Variants in SALL2 observed in about 807,000 individuals in gnomAD.
SALL2 encodes the protein sal-like protein 2.
SALL2 carries 32 observed loss-of-function variants against 58.5 expected under a neutral mutation model. The ratio of observed to expected loss-of-function variants is 0.55; its 90% CI spans 0.41 to 0.74. The LOEUF is 0.74. SALL2 is among the 30% of genes least tolerant of loss of function. The pLI is 0.00. For missense variants in SALL2, 1,201 were observed against 1,268.9 expected (o/e 0.95, Z 0.81); for synonymous variants, 516 against 513.6 (o/e 1.00, Z -0.06).
chr14:21,536,158 A>T (rs758639412), intron 1 of SALL2, among the ~76,000 whole-genome samples: 2 of 152,376 alleles, frequency 1.3e-5, no homozygotes, highest in Middle Eastern at 3.4e-3. Flanking sequence ...AAAACACGGT[A>T]TCCTCATAAA....
chr14:21,536,963 T>C, exon 1 of SALL2: 1 of 1,587,750 alleles, frequency 6.3e-7, no homozygotes, highest in South Asian at 1.1e-5. Context: ...AACGCTCACT[T>C]GGTCTTAACC....
rs975311252 is a variant in SALL2 at position 21,523,395 on chromosome 14, G to C, written c.2327C>G (p.Thr776Ser). ...EEDEEEEEDVTDEDSLAGRGS... is the reference protein window; with the variant it reads ...EEDEEEEEDVSDEDSLAGRGS... ...TCTCCCTGCCAGGGAATCTTCATCA[G>C]TCACATCTTCCTCTTCTTCCTCATC... is the stretch of plus-strand genomic sequence containing the variant. Residue 776 changes from threonine to serine, a missense_variant, in exon 2 of 2, where the codon ACT becomes AGT. Physicochemically the swap from Thr to Ser is moderately conservative, Grantham distance 58 (BLOSUM62 1). Around this residue, in one of 3 missense-constraint regions of SALL2, gnomAD observed 675 missense variants for 683.8 expected, o/e 0.99. Transcript: ENST00000537235. This position sits in a 1 kb window ranked among gnomAD's most constrained non-coding sequence, Gnocchi z 4.4. The C allele has an allele frequency of 3.1e-6, 5 of 1,613,562 alleles. No individual in the cohort carries two copies. In the African/African-American group the frequency reaches 5.3e-5, roughly 17 times the overall value.
rs767373452 is a variant in SALL2, at chr14:21,525,566, G to A, written c.156C>T (p.Asn52=). The A allele has an allele frequency of 4.3e-6, 7 of 1,613,638 alleles. No homozygotes were observed. In the Admixed American group the frequency reaches 6.7e-5, roughly 15 times the overall value. ...TDPTEFLAHQ[N]ACSTDPPVMV... is the part of the protein sequence containing the mutation. Reference sequence around the variant, plus strand: ...TTACAGGAGGGTCAGTAGAACATGCGTTCTGGTGGGCGAGGAATTCAGTTG... The same window carrying A: ...TTACAGGAGGGTCAGTAGAACATGCATTCTGGTGGGCGAGGAATTCAGTTG... The change falls in exon 2 of 2, where the codon AAC becomes AAT. Residue 52 remains asparagine (N), a synonymous_variant. Coordinates refer to ENST00000537235, the MANE Select transcript of SALL2 (RefSeq NM_001364564.1). The surrounding 1 kb of genome is among the most constrained non-coding windows in gnomAD (Gnocchi z 4.4).
In SALL2 at chr14:21,526,262, C is replaced by T. The variant is rs1014292061; in HGVS notation, c.-135G>A. ...CTGCGGAGATGGAGATCGGCAGCGG[C>T]GGGGGCAGGGAGCAGCGGCGGAGGG... On this transcript the variant is annotated 5_prime_UTR_variant, in exon 1 of 2. Transcript: ENST00000537235. 1 of 1,321,660 alleles carries T rather than the reference C, an allele frequency of 7.6e-7. No individual in the cohort carries two copies. Among genetic ancestry groups the T allele is most frequent in the East Asian group, 3.2e-5 (1 of 31,616 alleles). The allele number at this position is 1,321,660 out of a possible 1,614,324, so 81.9% of individuals were successfully genotyped here. A position where few individuals can be genotyped will look rare whatever the true frequency, so the allele number is the denominator to read the frequency against.
intron 1 of SALL2, 47 bp downstream of exon 1, chr14:21,526,014 T>TCCCCCCCCCC: frequency 9.6e-7 from 1 of 1,041,066 alleles, no homozygotes; most frequent in Non-Finnish European, 1.4e-6. Flanking sequence ...CCCCTGCGCA[T>TCCCCCCCCCC]CCCCCTCCGC....
intron 1 of SALL2, among the ~76,000 whole-genome samples, chr14:21,533,599 G>GTTTT (rs34874350): frequency 2.0e-5 from 3 of 148,524 alleles, no homozygotes; most frequent in Admixed American, 6.7e-5. Context: ...GAGAGAGAAG[G>GTTTT]TTTTTTTTTT....
chr14:21,535,071 A>T (rs11625212), intron 1 of SALL2, among the ~76,000 whole-genome samples: 8 of 152,190 alleles, frequency 5.3e-5, no homozygotes, highest in Middle Eastern at 3.4e-3. Flanking sequence ...GATGGCCGGG[A>T]GCGGTGGCTC....
In SALL2 at chr14:21,522,768, G is replaced by A. The variant is rs372571091; in HGVS notation, c.2954C>T (p.Ser985Leu). ...IAALSLVPGC[S>L]PSITSTGLSP... is the part of the protein sequence containing the mutation. ...GAGCCCTGTGGAGGTGATGGAAGGC[G>A]AACAGCCAGGGACTAGAGAAAGAGC... Residue 985 changes from serine to leucine, a missense_variant, in exon 2 of 2, where the codon TCG (serine) becomes TTG (leucine). Transcript: ENST00000537235. The A allele has an allele frequency of 5.8e-5, 91 of 1,571,698 alleles. No individual in the cohort carries two copies. In the Admixed American group the frequency reaches 7.2e-4, roughly 12 times the overall value.
At position 21,522,814 on chromosome 14, in the gene SALL2, G is replaced by A. The variant is rs201659642; in HGVS notation, c.2908C>T (p.His970Tyr). The change falls in exon 2 of 2, where the codon CAT (histidine) becomes TAT (tyrosine). Residue 970 changes from histidine to tyrosine, a missense_variant. Transcript: ENST00000537235. ...AGAGCAGCAATATTCTGAGGGCCAT[G>A]GGGGGCAAAGGGCTGTACCTGGTGG... ...AHHQVQPFAP[H>Y]GPQNIAALSL... 26 of 1,607,580 alleles carry A rather than the reference G, an allele frequency of 1.6e-5. No individual in the cohort carries two copies. Among genetic ancestry groups the A allele is most frequent in the Non-Finnish European group, 2.0e-5 (24 of 1,177,338 alleles).
chr14:21,535,731 C>A lies in SALL2; in HGVS notation c.-114+1231G>T, dbSNP rs141901293. ...CAGAACCCTTGTGCTTAATCCTATA[C>A]TATACTGTTGGGTGTATCAACTGTA... On this transcript the variant is annotated intron_variant, in intron 1 of 1. Coordinates refer to the SALL2 transcript ENST00000541965. 1.2e-4 allele frequency among the ~76,000 whole-genome samples: 19 copies of A among 152,324 alleles called. 1 individual carries two copies. In the South Asian group the frequency reaches 2.7e-3, roughly 22 times the overall value.
chr14:21,523,377 GC>G lies in SALL2; in HGVS notation c.2344del (p.Ala782GlnfsTer15). 1 of 1,613,496 alleles carries G rather than the reference GC, an allele frequency of 6.2e-7. No individual in the cohort carries two copies. The highest frequency in any genetic ancestry group is 1.1e-5 in the South Asian group (1 of 91,074). On this transcript the variant is annotated frameshift_variant, in exon 2 of 2. Coordinates refer to ENST00000537235, the MANE Select transcript of SALL2 (RefSeq NM_001364564.1). LOFTEE classifies it high-confidence loss of function. The surrounding 1 kb of genome is among the most constrained non-coding windows in gnomAD (Gnocchi z 4.4). ...EEDVTDEDSL[A>X]GRGSESGGEK... ...ACCTCCACTCTCTGAGCCTCTCCCT[GC>G]CAGGGAATCTTCATCAGTCACATCT...
At position 21,525,964 on chromosome 14, in the gene SALL2, G is replaced by T; in HGVS notation, c.67+97C>A. On this transcript the variant is annotated intron_variant, in intron 1 of 1. Transcript: ENST00000537235. The surrounding 1 kb of genome is among the most constrained non-coding windows in gnomAD (Gnocchi z 4.4). The stretch of plus-strand genomic sequence containing the variant: ...GTGTGGGGACAGGGGCCTACGCAGA[G>T]AATCATGCATTTTCTCCCACCCACC... The T allele has an allele frequency of 1.7e-6, 2 of 1,167,000 alleles. No homozygotes were observed. Among genetic ancestry groups the T allele is most frequent in the Non-Finnish European group, 2.5e-6 (2 of 812,082 alleles). The allele number at this position is 1,167,000 out of a possible 1,614,324, so 72.3% of individuals were successfully genotyped here.
intron 1 of SALL2, chr14:21,536,867 G>C (rs1331587276): frequency 1.9e-6 from 3 of 1,614,164 alleles, no homozygotes; most frequent in Middle Eastern, 1.7e-4. Flanking sequence ...GACGCGCTGG[G>C]ACCTTCGCAG....
upstream of SALL2, among the ~76,000 whole-genome samples, chr14:21,527,260 A>G (rs1280336324): frequency 6.6e-6 from 1 of 152,174 alleles, no homozygotes; most frequent in Non-Finnish European, 1.5e-5. Context: ...CTCAGTGTCT[A>G]AAGCCCTTTC....
At chr14:21,527,177 A>T (rs935664398), upstream of SALL2, among the ~76,000 whole-genome samples, 4 of 152,154 alleles carry the variant, frequency 2.6e-5, no homozygotes, top group African/African-American at 9.7e-5. Flanking sequence ...AGGCCTACGG[A>T]GGCCCACCCA....
upstream of SALL2, among the ~76,000 whole-genome samples, chr14:21,530,277 CTTTCTTT>C (rs1391941772): frequency 7.1e-5 from 8 of 112,396 alleles, no homozygotes; most frequent in African/African-American, 1.3e-4. Flanking sequence ...CTTTTTTTTT[CTTTCTTT>C]TTTTTTTTTT....
At position 21,523,284 on chromosome 14, in the gene SALL2, A is replaced by G; in HGVS notation, c.2438T>C (p.Val813Ala). 30 of 1,613,522 alleles carry G rather than the reference A, an allele frequency of 1.9e-5. No individual in the cohort carries two copies. Among genetic ancestry groups the G allele is most frequent in the Non-Finnish European group, 2.5e-5 (29 of 1,179,970 alleles). ...ASGAEEEVGT[V>A]AAAATAGKEM... ...CTTCCCAGCTGTGGCTGCTGCCGCC[A>G]CTGTCCCCACCTCCTCCTCTGCCCC... Residue 813 changes from valine (V) to alanine (A), a missense_variant, in exon 2 of 2, where the codon GTG (valine) becomes GCG (alanine). By Grantham distance (64) the Val-to-Ala change is moderately conservative (BLOSUM62 0). Around this residue, in one of 3 missense-constraint regions of SALL2, gnomAD observed 675 missense variants for 683.8 expected, o/e 0.99. Coordinates refer to ENST00000537235, the MANE Select transcript of SALL2 (RefSeq NM_001364564.1). The surrounding 1 kb of genome is among the most constrained non-coding windows in gnomAD (Gnocchi z 4.4).
chr14:21,534,458 G>GA (rs1377995828), intron 1 of SALL2, among the ~76,000 whole-genome samples: 1 of 152,104 alleles, frequency 6.6e-6, no homozygotes, highest in Non-Finnish European at 1.5e-5. Flanking sequence ...TTTCTATGGG[G>GA]ATGGCTTTGT....
In SALL2 at chr14:21,523,377, G is replaced by C; in HGVS notation, c.2345C>G (p.Ala782Gly). 1 of 1,613,496 alleles carries C rather than the reference G, an allele frequency of 6.2e-7. No individual in the cohort carries two copies. Residue 782 changes from alanine (A) to glycine (G), a missense_variant, in exon 2 of 2, where the codon GCA (alanine) becomes GGA (glycine). Around this residue, in one of 3 missense-constraint regions of SALL2, gnomAD observed 675 missense variants for 683.8 expected, o/e 0.99. Transcript: ENST00000537235. This position sits in a 1 kb window ranked among gnomAD's most constrained non-coding sequence, Gnocchi z 4.4. ...EEDVTDEDSL[A>G]GRGSESGGEK... ...ACCTCCACTCTCTGAGCCTCTCCCT[G>C]CCAGGGAATCTTCATCAGTCACATC...
Sources: gnomAD v4.1 joint callset for allele counts (sites outside exome capture counted in the v4.1 genomes callset) on GRCh38, gnomAD v4.1.1 for gene constraint, gnomAD v4.1.1 regional missense constraint, Gnocchi (gnomAD v3.1) non-coding constraint, MANE v1.5 for transcripts, NCBI Gene and HGNC (gene_info 2026-07-23, HGNC 2026-07-21) for gene names.